Variants in E2F7 observed in about 807,000 individuals in gnomAD.
E2F7 encodes the protein transcription factor E2F7.
Under a neutral mutation model 81.1 loss-of-function variants are expected in E2F7, and 35 were observed. The observed-to-expected ratio is 0.43, with a 90% CI of 0.33 to 0.57. E2F7 has a LOEUF of 0.57. Among genes scored for constraint, E2F7 ranks in the 20% least tolerant of loss-of-function variants. The pLI, the probability that E2F7 is intolerant of heterozygous loss-of-function variation, is 0.04. For missense variants in E2F7, 961 were observed against 1,093.7 expected, an observed-to-expected ratio of 0.88 and a Z score of 1.71; for synonymous variants, 416 against 416.2, an observed-to-expected ratio of 1.00 and a Z score of 0.01.
At chr12:77,038,938 A>T (rs2120674251) in intron 7 of E2F7, among the ~76,000 whole-genome samples, 1 of 152,338 alleles carries the variant, frequency 6.6e-6, no homozygotes, top group African/African-American at 2.4e-5. Flanking sequence ...AATTCTACAC[A>T]AACTCTTCCA....
At chr12:77,032,078 G>A (rs141530795) in intron 9 of E2F7, among the ~76,000 whole-genome samples, 303 of 152,196 alleles carry the variant, frequency 2.0e-3, no homozygotes, top group Admixed American at 4.6e-3. Context: ...TTCCACCTCT[G>A]GTGAGCACAG....
In E2F7 at chr12:77,043,180, A is replaced by G; in HGVS notation, c.1008T>C (p.Tyr336=). 1 of 1,614,138 alleles carries G rather than the reference A, an allele frequency of 6.2e-7. No individual in the cohort carries two copies. Residue 336 remains tyrosine (Y), a synonymous_variant, in exon 7 of 13, where the codon TAT becomes TAC. Coordinates refer to ENST00000322886, the MANE Select transcript of E2F7 (RefSeq NM_203394.3). ...SKFKTKVRRL[Y]DIANVLTSLA... is the part of the protein sequence containing the mutation. ...AGCTGGTCAGAACATTGGCTATGTC[A>G]TAGAGGCGTCGTACCTTTGCTTGAA...
rs148994993 is a variant in E2F7, at chr12:77,025,837, A to C, written c.2286T>G (p.Pro762=). 1 of 1,613,956 alleles carries C rather than the reference A, an allele frequency of 6.2e-7. No individual in the cohort carries two copies. Among genetic ancestry groups the C allele is most frequent in the Admixed American group, 1.7e-5 (1 of 59,980 alleles). The change falls in exon 12 of 13, where the codon CCT becomes CCG. Residue 762 remains proline, a synonymous_variant. Coordinates refer to ENST00000322886, the MANE Select transcript of E2F7 (RefSeq NM_203394.3). ...TAGAAGAAACCGGGCCCGGCATTGC[A>C]GGAGAATAGAGAACAGGAAAAGGGC... The part of the protein sequence containing the change: ...PLGPFPVLYS[P]AMPGPVSSTL...
rs145405084 is a variant in E2F7 at position 77,029,853 on chromosome 12, G to T, written c.1862C>A (p.Pro621Gln). ...TACCTTGGGCATGACAAGCGACAGC[G>T]GGCCGTCTTCATATTCCCTACTTTG... The part of the protein sequence containing the change: ...KRQSREYEDG[P>Q]LSLVMPKKPS... Residue 621 changes from proline to glutamine, a missense_variant, in exon 10 of 13, where the codon CCG becomes CAG. By Grantham distance (76) the Pro-to-Gln change is moderately conservative. Around this residue, in one of 3 missense-constraint regions of E2F7, gnomAD observed 587 missense variants for 620.3 expected, o/e 0.95. Coordinates refer to ENST00000322886, the MANE Select transcript of E2F7 (RefSeq NM_203394.3). 1.2e-6 allele frequency: 2 copies of T among 1,614,036 alleles called. No individual in the cohort carries two copies. The highest frequency in any genetic ancestry group is 2.7e-5 in the African/African-American group (2 of 74,918).
rs1354065016 is a variant in E2F7 at position 77,022,614 on chromosome 12, GAGGAAGAGGA to G, written c.*1391_*1400del. The G allele has an allele frequency of 6.6e-6, 1 of 152,410 alleles. No homozygotes were observed. The highest frequency in any genetic ancestry group is 2.4e-5 in the African/African-American group (1 of 41,366). The allele number at this position is 152,410 out of a possible 1,614,324, so 9.4% of individuals were successfully genotyped here. A position where few individuals can be genotyped will look rare whatever the true frequency, so the allele number is the denominator to read the frequency against. On this transcript the variant is annotated 3_prime_UTR_variant, in exon 13 of 13. Coordinates refer to ENST00000322886, the MANE Select transcript of E2F7 (RefSeq NM_203394.3). Reference sequence around the variant, plus strand: ...TTCTACATCTAAGATAGTTTTAAGAGAGGAAGAGGAAGGAAGAAAAGAAGTAGGAAGGAGG... The same window carrying G: ...TTCTACATCTAAGATAGTTTTAAGAGAGGAAGAAAAGAAGTAGGAAGGAGG...
At chr12:77,036,414 CT>C (rs1954849835) in intron 7 of E2F7, among the ~76,000 whole-genome samples, 1 of 151,978 alleles carries the variant, frequency 6.6e-6, no homozygotes, top group African/African-American at 2.4e-5. Flanking sequence ...AATCCCAGCA[CT>C]TTGGGAGGCT....
rs1425043472 is a variant in E2F7 at position 77,040,855 on chromosome 12, A to C, written c.1123+2210T>G. Among the ~76,000 whole-genome samples, 4 of 152,236 alleles carry C rather than the reference A, an allele frequency of 2.6e-5. No homozygotes were observed. In the East Asian group the frequency reaches 7.7e-4, roughly 29 times the overall value. ...TTGCATATCAATGATGCCTTGATAAAGCTGTTAAAAAGAAAACACTATTCG... is the reference window on the plus strand; with the variant it reads ...TTGCATATCAATGATGCCTTGATAACGCTGTTAAAAAGAAAACACTATTCG... On this transcript the variant is annotated intron_variant, in intron 7 of 12. Transcript: ENST00000322886.
intron 2 of E2F7, among the ~76,000 whole-genome samples, chr12:77,060,968 A>G (rs2120760989): frequency 6.6e-6 from 1 of 152,252 alleles, no homozygotes; most frequent in Non-Finnish European, 1.5e-5. Flanking sequence ...ACTGTTGACT[A>G]TTCTTTGTTC....
rs1230590964 is a variant in E2F7, at chr12:77,029,855, G to A, written c.1860C>T (p.Gly620=). The A allele has an allele frequency of 6.2e-7, 1 of 1,614,196 alleles. No individual in the cohort carries two copies. Residue 620 remains glycine (G), a synonymous_variant, in exon 10 of 13, where the codon GGC becomes GGT. Coordinates refer to ENST00000322886, the MANE Select transcript of E2F7 (RefSeq NM_203394.3). The stretch of plus-strand genomic sequence containing the variant: ...CCTTGGGCATGACAAGCGACAGCGG[G>A]CCGTCTTCATATTCCCTACTTTGCC... ...TKRQSREYED[G]PLSLVMPKKP...
At chr12:77,046,382 G>T in intron 4 of E2F7, 54 bp from the exon 5 acceptor site, 1 of 1,561,766 alleles carries the variant, frequency 6.4e-7, no homozygotes, top group Non-Finnish European at 8.7e-7. Context: ...TTTTTGAAGA[G>T]AAGTTCCTTG....
intron 6 of E2F7, chr12:77,044,172 G>A (rs1592561241): frequency 2.5e-6 from 1 of 393,556 alleles, no homozygotes; most frequent in East Asian, 7.2e-5. Context: ...AGGATGCACT[G>A]GGTGTGATAC....
chr12:77,043,058 A>T lies in E2F7; in HGVS notation c.1123+7T>A. On this transcript the variant is annotated splice_region_variant and intron_variant, in intron 7 of 12. Coordinates refer to ENST00000322886, the MANE Select transcript of E2F7 (RefSeq NM_203394.3). ...AACAGCCTGCTAGCAAAACCACGCC[A>T]CCTTACCACTTGAGCTGAAGTCCAC... is the stretch of plus-strand genomic sequence containing the variant. 6.2e-7 allele frequency: 1 copy of T among 1,613,966 alleles called. No homozygotes were observed. Among genetic ancestry groups the T allele is most frequent in the Non-Finnish European group, 8.5e-7 (1 of 1,179,910 alleles).
At chr12:77,046,825 T>A (rs1164811189) in intron 4 of E2F7, among the ~76,000 whole-genome samples, 1 of 152,154 alleles carries the variant, frequency 6.6e-6, no homozygotes. Flanking sequence ...TCCAATGATA[T>A]AAAAAAATTA....
chr12:77,034,161 A>C, intron 7 of E2F7, 119 bp from the exon 8 acceptor site: 1 of 803,462 alleles, frequency 1.2e-6, no homozygotes. Context: ...CTATAAATCA[A>C]AAACTAAGAC....
intron 3 of E2F7, among the ~76,000 whole-genome samples, chr12:77,051,200 A>C (rs1180743901): frequency 2.6e-5 from 4 of 152,162 alleles, no homozygotes. Flanking sequence ...TATATTTTAC[A>C]ATCGACCAAA....
intron 9 of E2F7, 98 bp downstream of exon 9, chr12:77,032,952 C>A (rs1954817966): frequency 1.8e-6 from 2 of 1,112,244 alleles, no homozygotes; most frequent in Non-Finnish European, 2.6e-6. Context: ...AAACGGCTGA[C>A]CTAAATTTTT....
intron 2 of E2F7, among the ~76,000 whole-genome samples, chr12:77,057,416 C>T (rs567445998): frequency 6.6e-6 from 1 of 152,068 alleles, no homozygotes; most frequent in East Asian, 1.9e-4. Context: ...CACTATGTTA[C>T]CAAGGTTCAT....
chr12:77,059,453 A>C (rs1323519784), intron 2 of E2F7, among the ~76,000 whole-genome samples: 1 of 152,172 alleles, frequency 6.6e-6, no homozygotes, highest in Non-Finnish European at 1.5e-5. Flanking sequence ...GTAGGTATAA[A>C]ATGAGGAATT....
In E2F7 at chr12:77,050,628, G is replaced by A; in HGVS notation, c.486C>T (p.Pro162=). 1 of 1,614,012 alleles carries A rather than the reference G, an allele frequency of 6.2e-7. No homozygotes were observed. Among genetic ancestry groups the A allele is most frequent in the South Asian group, 1.1e-5 (1 of 91,074 alleles). The change falls in exon 4 of 13, where the codon CCC becomes CCT. Residue 162 remains proline (P), a synonymous_variant. Coordinates refer to ENST00000322886, the MANE Select transcript of E2F7 (RefSeq NM_203394.3). The part of the protein sequence containing the change: ...QKFLARYPSY[P]LSTEKTTISL... ...AGATGGTAGTTTTCTCAGTTGACAA[G>A]GGATAACTTGGATAGCGAGCTAGAA...
Sources: gnomAD v4.1 joint callset for allele counts (sites outside exome capture counted in the v4.1 genomes callset) on GRCh38, gnomAD v4.1.1 for gene constraint, gnomAD v4.1.1 regional missense constraint, MANE v1.5 for transcripts, NCBI Gene and HGNC (gene_info 2026-07-23, HGNC 2026-07-21) for gene names.